IMMP2L: variants seen among roughly 807,000 people sequenced by gnomAD.
The protein encoded by IMMP2L is mitochondrial inner membrane protease subunit 2.
In IMMP2L, 18 loss-of-function variants were observed where a neutral mutation model predicts 19.3. That is an observed-to-expected ratio of 0.93 (90% CI 0.64 to 1.38). The LOEUF (loss-of-function observed/expected upper bound fraction) is 1.38. Among genes scored for constraint, IMMP2L ranks in the 40% most tolerant of loss-of-function variants. The pLI is 0.00. For missense variants in IMMP2L, 233 were observed against 218.2 expected (o/e 1.07, Z -0.43); for synonymous variants, 76 against 73.0 (o/e 1.04, Z -0.21).
At chr7:111,421,278 T>C (rs1231076814) in intron 3 of IMMP2L, among the ~76,000 whole-genome samples, 2 of 122,432 alleles carry the variant, frequency 1.6e-5, no homozygotes, top group South Asian at 2.3e-4. Flanking sequence ...TTTTTTTTTT[T>C]TTTTTTTTTG....
At chr7:110,859,385 A>T (rs1468065416) in intron 5 of IMMP2L, among the ~76,000 whole-genome samples, 2 of 152,014 alleles carry the variant, frequency 1.3e-5, no homozygotes, top group Non-Finnish European at 2.9e-5. Context: ...GTTTTTAGAA[A>T]ATATTTCAGA....
intron 3 of IMMP2L, among the ~76,000 whole-genome samples, chr7:110,997,722 G>A (rs1459489757): frequency 5.9e-5 from 9 of 151,656 alleles, no homozygotes; most frequent in Admixed American, 5.9e-4. Flanking sequence ...CTTCTTTACT[G>A]CTGAGTTTTG....
intron 3 of IMMP2L, among the ~76,000 whole-genome samples, chr7:111,156,408 C>A (rs568950676): frequency 3.3e-4 from 50 of 152,148 alleles, no homozygotes; most frequent in African/African-American, 1.1e-3. Flanking sequence ...TTTTAATATT[C>A]AGGCATTTTG....
At chr7:111,343,267 A>T (rs1827205502) in intron 3 of IMMP2L, among the ~76,000 whole-genome samples, 2 of 152,086 alleles carry the variant, frequency 1.3e-5, no homozygotes, top group African/African-American at 4.8e-5. Flanking sequence ...CTAAGTTCTT[A>T]AAATGGCTCT....
intron 3 of IMMP2L, among the ~76,000 whole-genome samples, chr7:110,991,417 A>G (rs1020546732): frequency 6.6e-6 from 1 of 152,214 alleles, no homozygotes; most frequent in East Asian, 1.9e-4. Flanking sequence ...TGAATATTTT[A>G]CAATTTACTA....
rs1808416382 is a variant in IMMP2L, at chr7:110,870,438, G to A, written c.408+16155C>T. Among the ~76,000 whole-genome samples the A allele has an allele frequency of 6.6e-6, 1 of 152,108 alleles. No individual in the cohort carries two copies. The highest frequency in any genetic ancestry group is 2.1e-4 in the South Asian group (1 of 4,830). ...CTGTGCTACAGCAGTGAACCAAAAG[G>A]ACAAGGTTCCTGACCTCATGAAGCT... On this transcript the variant is annotated intron_variant, in intron 5 of 5. Transcript: ENST00000405709. The surrounding 1 kb of genome is among the most constrained non-coding windows in gnomAD (Gnocchi z 4.2).
chr7:110,910,485 A>T (rs258999), intron 4 of IMMP2L, among the ~76,000 whole-genome samples: 74,173 of 152,014 alleles, frequency 0.49, 18,794 homozygotes, highest in East Asian at 0.8. Flanking sequence ...AAAACCAGGA[A>T]GGGAAATTTT....
In IMMP2L at chr7:110,841,423, GA is replaced by G. The variant is rs201917765; in HGVS notation, c.408+45169del. Among the ~76,000 whole-genome samples the G allele has an allele frequency of 5.9e-3, 890 of 151,988 alleles. 5 individuals carry two copies. The highest frequency in any genetic ancestry group is 0.018 in the African/African-American group (727 of 41,532). ...AATATTTAATGAAAAATCTATGCAC[GA>G]AAATTAATGATAGATGACAAAGTAG... On this transcript the variant is annotated intron_variant, in intron 5 of 5. Transcript: ENST00000405709.
intron 5 of IMMP2L, among the ~76,000 whole-genome samples, chr7:110,819,871 G>A (rs1569122): frequency 0.25 from 33,008 of 133,550 alleles, 4,040 homozygotes; most frequent in African/African-American, 0.42. Context: ...CAATACAAAC[G>A]TGTTTTATAA....
chr7:111,239,674 T>C (rs1432178291), intron 3 of IMMP2L, among the ~76,000 whole-genome samples: 1 of 151,848 alleles, frequency 6.6e-6, no homozygotes, highest in Non-Finnish European at 1.5e-5. Context: ...AACTTAATCT[T>C]CTCCCACATT....
intron 5 of IMMP2L, 120 bp from the exon 6 acceptor site, chr7:110,663,841 TA>T: frequency 9.4e-5 from 57 of 605,006 alleles, no homozygotes; most frequent in South Asian, 1.7e-4. Flanking sequence ...TGATGATGAA[TA>T]AAAAAAATAG....
At chr7:110,915,965 C>T (rs544536747) in intron 4 of IMMP2L, among the ~76,000 whole-genome samples, 132 of 152,152 alleles carry the variant, frequency 8.7e-4, no homozygotes, top group Non-Finnish European at 1.4e-3. Flanking sequence ...ATTTCTTAGC[C>T]AGTGTAAGGT....
At chr7:110,749,845 A>C (rs1797614945) in intron 5 of IMMP2L, among the ~76,000 whole-genome samples, 1 of 152,144 alleles carries the variant, frequency 6.6e-6, no homozygotes, top group African/African-American at 2.4e-5. Context: ...ATGTATACCT[A>C]TGTAACAAAC....
In IMMP2L at chr7:111,521,545, G is replaced by A. The variant is rs532659509; in HGVS notation, c.-2-96C>T. The A allele has an allele frequency of 6.6e-6, 7 of 1,066,684 alleles. No individual in the cohort carries two copies. The South Asian group carries it at 1.0e-4, about 16-fold the overall frequency. 66.1% of individuals were successfully genotyped at this position (1,066,684 alleles called of 1,614,324 possible). On this transcript the variant is annotated intron_variant, in intron 1 of 5. Coordinates refer to ENST00000405709, the MANE Select transcript of IMMP2L (RefSeq NM_032549.4). ...ACATGAAAAGTAAGAGTTACCGAAG[G>A]GCAATCTTGTCTCTTAATATATTAC...
At chr7:111,304,015 A>C (rs2130075083) in intron 3 of IMMP2L, among the ~76,000 whole-genome samples, 1 of 152,236 alleles carries the variant, frequency 6.6e-6, no homozygotes, top group South Asian at 2.1e-4. Context: ...CATTAATGGA[A>C]AGTTTATTGC....
chr7:110,817,884 T>A (rs549545790), intron 5 of IMMP2L, among the ~76,000 whole-genome samples: 1 of 152,258 alleles, frequency 6.6e-6, no homozygotes, highest in Non-Finnish European at 1.5e-5. Flanking sequence ...ATTTAATAAA[T>A]GGTGCTGCGA....
At chr7:110,716,606 TAAGAATGCTGA>T (rs987587428) in intron 5 of IMMP2L, among the ~76,000 whole-genome samples, 1 of 152,212 alleles carries the variant, frequency 6.6e-6, no homozygotes, top group Non-Finnish European at 1.5e-5. Flanking sequence ...TTCTTTTCTT[TAAGAATGCTGA>T]AAATAGGCAC....
At chr7:111,117,974 T>C (rs1255504541) in intron 3 of IMMP2L, among the ~76,000 whole-genome samples, 1 of 152,114 alleles carries the variant, frequency 6.6e-6, no homozygotes, top group Non-Finnish European at 1.5e-5. Flanking sequence ...ACAGTGGATT[T>C]TAAATCTTCT....
chr7:110,735,681 T>TACACACACAC lies in IMMP2L; in HGVS notation c.409-71970_409-71961dup, dbSNP rs3051068. 8.1e-3 allele frequency among the ~76,000 whole-genome samples: 928 copies of TACACACACAC among 114,792 alleles called. 12 individuals carry two copies. The highest frequency in any genetic ancestry group is 0.025 in the African/African-American group (740 of 29,394). 75.3% of individuals were successfully genotyped at this position (114,792 alleles called of 152,430 possible). On this transcript the variant is annotated intron_variant, in intron 5 of 5. Coordinates refer to ENST00000405709, the MANE Select transcript of IMMP2L (RefSeq NM_032549.4). ...TATATATATATATATAGTAGACAAA[T>TACACACACAC]ACACACACACACACACACACACACA... is the stretch of plus-strand genomic sequence containing the variant.
Sources: gnomAD v4.1 joint callset for allele counts (sites outside exome capture counted in the v4.1 genomes callset) on GRCh38, gnomAD v4.1.1 for gene constraint, Gnocchi (gnomAD v3.1) non-coding constraint, MANE v1.5 for transcripts, NCBI Gene and HGNC (gene_info 2026-07-23, HGNC 2026-07-21) for gene names.